The following NFATC3 variants were observed in gnomAD, a reference collection of about 807,000 sequenced individuals.
The protein encoded by NFATC3 is nuclear factor of activated T-cells, cytoplasmic 3.
Under a neutral mutation model 98.6 loss-of-function variants are expected in NFATC3, and 46 were observed. That is an observed-to-expected ratio of 0.47 (90% CI 0.37 to 0.60). The LOEUF is 0.60. Among genes scored for constraint, NFATC3 ranks in the 20% least tolerant of loss-of-function variants. The pLI is 0.00. For synonymous variants in NFATC3, 512 were observed against 472.2 expected (o/e 1.08, Z -1.09); for missense variants, 1,256 against 1,295.5 (o/e 0.97, Z 0.47).
At chr16:68,207,280 A>G (rs1053365792) in intron 9 of NFATC3, among the ~76,000 whole-genome samples, 5 of 151,840 alleles carry the variant, frequency 3.3e-5, no homozygotes, top group Admixed American at 2.0e-4. Context: ...ATTGCACTCC[A>G]GCCTAGGCAA....
At chr16:68,132,203 G>A (rs956171853) in intron 3 of NFATC3, among the ~76,000 whole-genome samples, 6 of 152,112 alleles carry the variant, frequency 3.9e-5, no homozygotes, top group Admixed American at 3.3e-4. Flanking sequence ...TGAGGAAACA[G>A]CCAAAAATCT....
intron 3 of NFATC3, among the ~76,000 whole-genome samples, chr16:68,135,527 A>T (rs1191593956): frequency 6.6e-6 from 1 of 151,640 alleles, no homozygotes; most frequent in Non-Finnish European, 1.5e-5. Flanking sequence ...AATCTTTAAT[A>T]AATTTAAAAT....
intron 9 of NFATC3, among the ~76,000 whole-genome samples, chr16:68,210,203 CAGG>C (rs1217493839): frequency 3.6e-4 from 55 of 150,998 alleles, no homozygotes; most frequent in African/African-American, 1.1e-3. Flanking sequence ...GAGGCTGAGG[CAGG>C]AGAATGGCGT....
intron 8 of NFATC3, among the ~76,000 whole-genome samples, chr16:68,189,880 A>G (rs538572648): frequency 1.3e-5 from 2 of 152,232 alleles, no homozygotes; most frequent in South Asian, 4.1e-4. Flanking sequence ...CCTGGGCAAC[A>G]CAGTAAGACT....
intron 9 of NFATC3, among the ~76,000 whole-genome samples, chr16:68,213,665 C>T (rs548480216): frequency 6.6e-5 from 10 of 152,086 alleles, no homozygotes; most frequent in Middle Eastern, 6.8e-3. Context: ...CCCATCTCTA[C>T]TAAAAATACA....
At chr16:68,109,817 C>A (rs1469130409) in intron 1 of NFATC3, among the ~76,000 whole-genome samples, 5 of 151,842 alleles carry the variant, frequency 3.3e-5, no homozygotes, top group African/African-American at 2.4e-5. Context: ...GTGTATGTGT[C>A]CAGGAATTTA....
chr16:68,136,976 T>TG (rs1370319070), intron 3 of NFATC3, among the ~76,000 whole-genome samples: 2 of 152,192 alleles, frequency 1.3e-5, no homozygotes, highest in Admixed American at 1.3e-4. Flanking sequence ...GACTGGAAGT[T>TG]GCTCTGGGTG....
At chr16:68,210,776 G>T (rs1424886894) in intron 9 of NFATC3, among the ~76,000 whole-genome samples, 2 of 151,934 alleles carry the variant, frequency 1.3e-5, no homozygotes, top group Admixed American at 6.6e-5. Context: ...ATATTCTGTA[G>T]TTTTTTTGTT....
At chr16:68,192,047 A>C (rs2040429437) in intron 9 of NFATC3, 1 of 294,760 alleles carries the variant, frequency 3.4e-6, no homozygotes, top group Non-Finnish European at 6.5e-6. Context: ...TCTCTACTAA[A>C]AATACAAAAA....
chr16:68,120,068 A>C (rs575787526), intron 1 of NFATC3, among the ~76,000 whole-genome samples: 1 of 150,976 alleles, frequency 6.6e-6, no homozygotes, highest in Non-Finnish European at 1.5e-5. Flanking sequence ...GCCTGAGCCC[A>C]GGAGTTCAAG....
intron 8 of NFATC3, among the ~76,000 whole-genome samples, chr16:68,184,670 G>A (rs1350878497): frequency 6.6e-6 from 1 of 152,040 alleles, no homozygotes; most frequent in Non-Finnish European, 1.5e-5. Flanking sequence ...CGGGCGTGGT[G>A]GCGGGCGCCT....
chr16:68,192,538 A>T (rs931665444), intron 9 of NFATC3, among the ~76,000 whole-genome samples: 1 of 151,976 alleles, frequency 6.6e-6, no homozygotes, highest in African/African-American at 2.4e-5. Flanking sequence ...ATGAAGCTAG[A>T]TGCTGGGAAT....
intron 9 of NFATC3, among the ~76,000 whole-genome samples, chr16:68,195,680 C>G (rs2040636463): frequency 6.6e-6 from 1 of 150,612 alleles, no homozygotes; most frequent in Non-Finnish European, 1.5e-5. Context: ...TGGTGGTGGT[C>G]GCCTGTAGTC....
chr16:68,161,300 G>A (rs1157528981), intron 4 of NFATC3, among the ~76,000 whole-genome samples: 1 of 152,128 alleles, frequency 6.6e-6, no homozygotes, highest in Non-Finnish European at 1.5e-5. Context: ...ATCCCTAGAC[G>A]ATAGTTTGCA....
chr16:68,178,114 T>C (rs565789297), intron 6 of NFATC3, among the ~76,000 whole-genome samples: 172 of 152,288 alleles, frequency 1.1e-3, no homozygotes, highest in Non-Finnish European at 2.1e-3. Context: ...TCCTTCTTTT[T>C]GAGAAATTTT....
chr16:68,144,547 G>A (rs1302737328), intron 3 of NFATC3, among the ~76,000 whole-genome samples: 3 of 151,996 alleles, frequency 2.0e-5, no homozygotes, highest in Non-Finnish European at 4.4e-5. Context: ...GGTTCACCAT[G>A]TTATCCAGAC....
At position 68,164,405 on chromosome 16, in the gene NFATC3, GGGGAGA is replaced by G. The variant is rs563054345; in HGVS notation, c.1602-2418_1602-2413del. Among the ~76,000 whole-genome samples the G allele has an allele frequency of 3.4e-3, 516 of 152,186 alleles. 2 individuals are homozygous for G. Among genetic ancestry groups the G allele is most frequent in the Non-Finnish European group, 5.2e-3 (353 of 67,994 alleles). ...GGAAAGAGAGGGAGAGGGAGACCGTGGGGAGAGGGAGAGGGAGAGGGAGAGCGCCTA... is the reference window on the plus strand; with the variant it reads ...GGAAAGAGAGGGAGAGGGAGACCGTGGGGAGAGGGAGAGGGAGAGCGCCTA... On this transcript the variant is annotated intron_variant, in intron 4 of 9. Transcript: ENST00000346183.
intron 1 of NFATC3, among the ~76,000 whole-genome samples, chr16:68,118,984 C>T (rs536895549): frequency 4.1e-4 from 63 of 152,162 alleles, no homozygotes; most frequent in Non-Finnish European, 8.5e-4. Context: ...TCTCCCACCT[C>T]AGCCTCCCGA....
rs77352556 is a variant in NFATC3 at position 68,190,883 on chromosome 16, C to G, written c.2214C>G (p.Asp738Glu). 2,051 of 1,614,216 alleles carry G rather than the reference C, an allele frequency of 1.3e-3. 17 individuals carry two copies. In the African/African-American group the frequency reaches 0.021, roughly 17 times the overall value. ...CCTCTGATTCAGGGTGTTCACATGA[C>G]AGTGTACTGTCAGGACAGAGAAGTT... is the stretch of plus-strand genomic sequence containing the variant. ...RPSSDSGCSH[D>E]SVLSGQRSLI... The change falls in exon 9 of 10, where the codon GAC (aspartate) becomes GAG (glutamate). Residue 738 changes from aspartate (D) to glutamate (E), a missense_variant. This residue lies in a region of NFATC3 where 636 missense variants were observed against 617.3 expected (regional missense o/e 1.03). Coordinates refer to ENST00000346183, the MANE Select transcript of NFATC3 (RefSeq NM_173165.3).
Sources: allele counts gnomAD v4.1 joint callset (sites outside exome capture counted in the v4.1 genomes callset), GRCh38; gene constraint gnomAD v4.1.1; regional missense constraint gnomAD v4.1.1; transcripts MANE v1.5; gene names NCBI Gene and HGNC (gene_info 2026-07-23, HGNC 2026-07-21).